Variants in ABCC4 observed in about 807,000 individuals in gnomAD.
The protein encoded by ABCC4 is ATP binding cassette subfamily C member 4 (PEL blood group), also known as ATP-binding cassette sub-family C member 4.
Under a neutral mutation model 168.5 loss-of-function variants are expected in ABCC4, and 102 were observed. The observed-to-expected ratio is 0.61, with a 90% CI of 0.52 to 0.71. The LOEUF is 0.71. ABCC4 is among the 30% of genes least tolerant of loss of function. The pLI is 0.00. For missense variants in ABCC4, 1,402 were observed against 1,605.8 expected (o/e 0.87, Z 2.17); for synonymous variants, 617 against 590.7 (o/e 1.04, Z -0.65).
intron 9 of ABCC4, 66 bp downstream of exon 9, chr13:95,194,770 T>A: frequency 7.5e-7 from 1 of 1,326,208 alleles, no homozygotes; most frequent in African/African-American, 1.5e-5. Context: ...CACCTCAAAA[T>A]TCTCTATTAA....
intron 30 of ABCC4, among the ~76,000 whole-genome samples, chr13:95,034,004 T>C (rs1304174351): frequency 6.6e-6 from 1 of 152,178 alleles, no homozygotes; most frequent in African/African-American, 2.4e-5. Flanking sequence ...ATATGGGCTA[T>C]ATGGGCCTAA....
intron 1 of ABCC4, among the ~76,000 whole-genome samples, chr13:95,286,088 T>C (rs1218211060): frequency 6.6e-6 from 1 of 151,536 alleles, no homozygotes; most frequent in Non-Finnish European, 1.5e-5. Context: ...AATTTCAGCC[T>C]TGTTGCTCTG....
At chr13:95,082,381 T>A (rs938340629) in intron 21 of ABCC4, among the ~76,000 whole-genome samples, 2 of 152,226 alleles carry the variant, frequency 1.3e-5, no homozygotes, top group Admixed American at 1.3e-4. Context: ...AATCATAAAA[T>A]GTCTTCCTCA....
intron 1 of ABCC4, among the ~76,000 whole-genome samples, chr13:95,276,506 C>CA (rs58632827): frequency 0.35 from 45,245 of 127,706 alleles, 9,262 homozygotes; most frequent in Non-Finnish European, 0.48. Flanking sequence ...GACCCTGCCT[C>CA]AAAAAAAAAA....
intron 20 of ABCC4, among the ~76,000 whole-genome samples, chr13:95,106,755 T>C (rs948925949): frequency 9.6e-6 from 1 of 104,648 alleles, no homozygotes; most frequent in Middle Eastern, 4.3e-3. Flanking sequence ...CACAGGATAG[T>C]AGGGTTGTGA....
chr13:95,202,602 T>G (rs894550345), intron 8 of ABCC4, among the ~76,000 whole-genome samples: 3 of 151,682 alleles, frequency 2.0e-5, no homozygotes, highest in Admixed American at 6.6e-5. Context: ...AAGTGAGATC[T>G]GCATTCAGGT....
intron 19 of ABCC4, among the ~76,000 whole-genome samples, chr13:95,125,592 T>C (rs2035730725): frequency 6.6e-6 from 1 of 152,200 alleles, no homozygotes; most frequent in South Asian, 2.1e-4. Context: ...GCAGAATTAA[T>C]TAGGAAAGTC....
chr13:95,237,211 G>A (rs187533499), intron 3 of ABCC4, among the ~76,000 whole-genome samples: 2 of 152,320 alleles, frequency 1.3e-5, no homozygotes, highest in East Asian at 1.9e-4. Context: ...TCCCTGCCGA[G>A]AGACAGCATT....
In ABCC4 at chr13:95,242,852, G is replaced by T. The variant is rs578037038; in HGVS notation, c.306+4123C>A. ...CAATAGTATTTATACTAGAATTCAG[G>T]CTGTTTTCACTGCTAGAAGGAAAAG... On this transcript the variant is annotated intron_variant, in intron 3 of 30. Coordinates refer to ENST00000645237, the MANE Select transcript of ABCC4 (RefSeq NM_005845.5). Among the ~76,000 whole-genome samples the T allele has an allele frequency of 2.6e-5, 4 of 152,182 alleles. No homozygotes were observed. In the South Asian group the frequency reaches 8.3e-4, roughly 32 times the overall value.
At chr13:95,054,021 CTTTTTTT>C (rs55980425) in intron 26 of ABCC4, 52 of 71,580 alleles carry the variant, frequency 7.3e-4, no homozygotes, top group Non-Finnish European at 9.2e-4. Context: ...ATGGGACATC[CTTTTTTT>C]TTTTTTTTTT....
intron 20 of ABCC4, among the ~76,000 whole-genome samples, chr13:95,098,985 T>C (rs886440161): frequency 2.6e-5 from 4 of 152,224 alleles, no homozygotes; most frequent in Non-Finnish European, 4.4e-5. Context: ...TTTTGGTTTT[T>C]AAAGTGAACT....
intron 20 of ABCC4, among the ~76,000 whole-genome samples, chr13:95,089,441 A>G (rs1369202510): frequency 2.0e-5 from 3 of 152,152 alleles, no homozygotes; most frequent in Non-Finnish European, 4.4e-5. Context: ...AACATGGTGA[A>G]ACCCCGTCTC....
chr13:95,291,337 C>A (rs2041399563), intron 1 of ABCC4, among the ~76,000 whole-genome samples: 1 of 150,108 alleles, frequency 6.7e-6, no homozygotes. Flanking sequence ...GGCTGGCTGG[C>A]AAGGCAAGAT....
rs868570789 is a variant in ABCC4 at position 95,098,935 on chromosome 13, A to G, written c.2536-15645T>C. The stretch of plus-strand genomic sequence containing the variant: ...TCATATATTGCCACTGGGTGTGTAA[A>G]ATAGTACAACCATTATAAAAATCCT... On this transcript the variant is annotated intron_variant, in intron 20 of 30. Coordinates refer to ENST00000645237, the MANE Select transcript of ABCC4 (RefSeq NM_005845.5). Among the ~76,000 whole-genome samples, 17 of 152,356 alleles carry G rather than the reference A, an allele frequency of 1.1e-4. 1 individual carries two copies. Among genetic ancestry groups the G allele is most frequent in the Middle Eastern group, 6.8e-3 (2 of 294 alleles).
chr13:95,202,902 C>T (rs560064058), intron 8 of ABCC4, among the ~76,000 whole-genome samples: 7 of 152,198 alleles, frequency 4.6e-5, no homozygotes, highest in Admixed American at 3.9e-4. Flanking sequence ...TCAAGTGATC[C>T]GTCCACCTAG....
At chr13:95,044,505 G>A in intron 27 of ABCC4, 67 bp from the exon 28 acceptor site, 1 of 1,447,358 alleles carries the variant, frequency 6.9e-7, no homozygotes, top group Non-Finnish European at 9.4e-7. Flanking sequence ...AAGCCTCATA[G>A]ACATTAGAAC....
At chr13:95,250,531 C>T (rs2138816883) in intron 1 of ABCC4, among the ~76,000 whole-genome samples, 1 of 152,194 alleles carries the variant, frequency 6.6e-6, no homozygotes, top group South Asian at 2.1e-4. Flanking sequence ...TCAATACAAA[C>T]TCAATATAGC....
chr13:95,166,385 A>T lies in ABCC4; in HGVS notation c.1825-18T>A. 1 of 1,592,376 alleles carries T rather than the reference A, an allele frequency of 6.3e-7. No homozygotes were observed. The highest frequency in any genetic ancestry group is 1.3e-5 in the African/African-American group (1 of 74,290). On this transcript the variant is annotated intron_variant, in intron 14 of 30. Transcript: ENST00000645237. ...ATTTTACCCTAAAATAAAAATAAAGAATTTCAGAGAGATACATGTGCAGGT... is the reference window on the plus strand; with the variant it reads ...ATTTTACCCTAAAATAAAAATAAAGTATTTCAGAGAGATACATGTGCAGGT...
intron 9 of ABCC4, among the ~76,000 whole-genome samples, chr13:95,191,830 T>G (rs935203473): frequency 1.3e-5 from 2 of 152,154 alleles, no homozygotes; most frequent in Non-Finnish European, 2.9e-5. Flanking sequence ...TGCAAAAGAG[T>G]GAGCCACATG....
Sources: gnomAD v4.1 joint callset for allele counts (sites outside exome capture counted in the v4.1 genomes callset) on GRCh38, gnomAD v4.1.1 for gene constraint, MANE v1.5 for transcripts, NCBI Gene and HGNC (gene_info 2026-07-23, HGNC 2026-07-21) for gene names.